Variants in PPP2R2B observed in about 807,000 individuals in gnomAD.
PPP2R2B encodes protein phosphatase 2 regulatory subunit Bbeta.
Under a neutral mutation model 46.0 loss-of-function variants are expected in PPP2R2B, and 5 were observed. The ratio of observed to expected loss-of-function variants is 0.11; its 90% CI spans 0.06 to 0.23. The LOEUF (loss-of-function observed/expected upper bound fraction) is 0.23, where lower values mean the gene tolerates loss of function less well. PPP2R2B is among the 10% of genes least tolerant of loss of function. PPP2R2B has a pLI of 1.00. For synonymous variants in PPP2R2B, 215 were observed against 206.7 expected (o/e 1.04, Z -0.34); for missense variants, 367 against 575.0 (o/e 0.64, Z 3.70).
intron 2 of PPP2R2B, among the ~76,000 whole-genome samples, chr5:147,064,045 G>C (rs966253122): frequency 2.4e-4 from 36 of 152,304 alleles, no homozygotes; most frequent in African/African-American, 7.9e-4. Flanking sequence ...CATTCAGCGA[G>C]GACCTTCCCC....
At chr5:146,856,352 C>T (rs754172794) in intron 2 of PPP2R2B, 64 of 607,084 alleles carry the variant, frequency 1.1e-4, no homozygotes, top group East Asian at 5.5e-4. Context: ...TTGTGTCCTA[C>T]GGAACAAATT....
chr5:146,954,928 T>C (rs1751815998), intron 1 of PPP2R2B, among the ~76,000 whole-genome samples: 1 of 152,024 alleles, frequency 6.6e-6, no homozygotes, highest in Non-Finnish European at 1.5e-5. Context: ...TCACTGACCA[T>C]CAGAATAAAA....
intron 2 of PPP2R2B, among the ~76,000 whole-genome samples, chr5:146,860,722 T>A (rs2151392253): frequency 6.6e-6 from 1 of 152,336 alleles, no homozygotes; most frequent in African/African-American, 2.4e-5. Context: ...ATCTTTCATG[T>A]GCAGAGGGGC....
intron 1 of PPP2R2B, among the ~76,000 whole-genome samples, chr5:146,988,154 T>C (rs1216440201): frequency 6.6e-6 from 1 of 151,910 alleles, no homozygotes; most frequent in Admixed American, 6.6e-5. Context: ...AGAAATTGAC[T>C]GCAATACAAT....
In PPP2R2B at chr5:146,808,994, T is replaced by TGTGTGTGC. The variant is rs1442659063; in HGVS notation, c.70+69007_70+69008insGCACACAC. Among the ~76,000 whole-genome samples the TGTGTGTGC allele has an allele frequency of 6.8e-3, 911 of 134,480 alleles. 12 individuals are homozygous for TGTGTGTGC. The highest frequency in any genetic ancestry group is 0.02 in the African/African-American group (760 of 37,726). 88.2% of individuals were successfully genotyped at this position (134,480 alleles called of 152,430 possible). A position where few individuals can be genotyped will look rare whatever the true frequency, so the allele number is the denominator to read the frequency against. On this transcript the variant is annotated intron_variant, in intron 2 of 9. Coordinates refer to ENST00000394411, the MANE Select transcript of PPP2R2B (RefSeq NM_181675.4). The stretch of plus-strand genomic sequence containing the variant: ...GTGTGTGTGTGTGTGTGTGTGTGTG[T>TGTGTGTGC]GCGCGCGCACCCACTTCTCCAGTGA...
rs79800174 is a variant in PPP2R2B, at chr5:146,936,245, A to T, written c.79+119420T>A. Among the ~76,000 whole-genome samples, 5 of 152,176 alleles carry T rather than the reference A, an allele frequency of 3.3e-5. No homozygotes were observed. The East Asian group carries it at 9.7e-4, about 30-fold the overall frequency. On this transcript the variant is annotated intron_variant, in intron 1 of 8. Transcript: ENST00000336640. ...TATCCTTTGTTTCAAGAAAGCAAAG[A>T]TTTCCTGCTGTAAGCAGTGGAGTCA...
chr5:146,690,421 C>T (rs1435151145), intron 5 of PPP2R2B, among the ~76,000 whole-genome samples: 2 of 152,234 alleles, frequency 1.3e-5, no homozygotes, highest in Admixed American at 6.5e-5. Flanking sequence ...CTCTCCAACA[C>T]TTTCTCAATG....
At chr5:146,601,742 G>A (rs1771803290) in intron 7 of PPP2R2B, among the ~76,000 whole-genome samples, 1 of 152,198 alleles carries the variant, frequency 6.6e-6, no homozygotes, top group South Asian at 2.1e-4. Context: ...GGGTACAAGT[G>A]TGGTTTTGTT....
At chr5:146,766,103 G>A (rs1317672542) in intron 2 of PPP2R2B, among the ~76,000 whole-genome samples, 37 of 152,270 alleles carry the variant, frequency 2.4e-4, no homozygotes, top group Non-Finnish European at 1.5e-5. Context: ...GGCATCTCTT[G>A]AAAAGCCCTC....
At chr5:146,972,707 A>G (rs572413296) in intron 1 of PPP2R2B, among the ~76,000 whole-genome samples, 3 of 152,162 alleles carry the variant, frequency 2.0e-5, no homozygotes, top group Non-Finnish European at 4.4e-5. Context: ...GTAAGACTCC[A>G]TCTCAAAAAA....
At chr5:146,618,748 C>T (rs1245095607) in intron 7 of PPP2R2B, among the ~76,000 whole-genome samples, 2 of 152,216 alleles carry the variant, frequency 1.3e-5, no homozygotes, top group African/African-American at 2.4e-5. Context: ...GCCACTCTTT[C>T]CTCCCAGCAT....
chr5:146,727,794 T>C (rs1751968416), intron 2 of PPP2R2B, among the ~76,000 whole-genome samples: 1 of 151,930 alleles, frequency 6.6e-6, no homozygotes, highest in South Asian at 2.1e-4. Flanking sequence ...AAACTTCTTC[T>C]TCTTGTGTAA....
chr5:146,661,776 CCAGA>C (rs1437551414), intron 5 of PPP2R2B, among the ~76,000 whole-genome samples: 1 of 152,110 alleles, frequency 6.6e-6, no homozygotes, highest in African/African-American at 2.4e-5. Flanking sequence ...TATTTTTTCC[CCAGA>C]CACTTACTTT....
chr5:146,818,450 T>C (rs1023993388), intron 2 of PPP2R2B, among the ~76,000 whole-genome samples: 3 of 152,176 alleles, frequency 2.0e-5, no homozygotes, highest in African/African-American at 7.2e-5. Context: ...TCCTCACTCT[T>C]ATTCCATATG....
chr5:146,943,674 A>ATT (rs201977073), intron 1 of PPP2R2B, among the ~76,000 whole-genome samples: 3 of 145,940 alleles, frequency 2.1e-5, no homozygotes, highest in African/African-American at 5.0e-5. Flanking sequence ...AGAGGCACTC[A>ATT]TTTTTTTTTT....
chr5:146,959,513 G>A (rs1373819077), intron 1 of PPP2R2B, among the ~76,000 whole-genome samples: 3 of 152,136 alleles, frequency 2.0e-5, no homozygotes, highest in Non-Finnish European at 4.4e-5. Context: ...GGCAGAGTGA[G>A]AATACAAATA....
chr5:147,049,430 C>A (rs1379048830), intron 1 of PPP2R2B, among the ~76,000 whole-genome samples: 1 of 151,854 alleles, frequency 6.6e-6, no homozygotes, highest in Non-Finnish European at 1.5e-5. Flanking sequence ...TACTATGCAT[C>A]TGATTGGAAA....
Position 146,742,714 on chromosome 5 carries a change from G to T in PPP2R2B, c.71-41572C>A, listed in dbSNP as rs1325177280. Among the ~76,000 whole-genome samples the T allele has an allele frequency of 4.6e-5, 7 of 152,240 alleles. No individual in the cohort carries two copies. In the South Asian group the frequency reaches 1.2e-3, roughly 27 times the overall value. On this transcript the variant is annotated intron_variant, in intron 2 of 9. Coordinates refer to ENST00000394411, the MANE Select transcript of PPP2R2B (RefSeq NM_181675.4). ...TGAAGTTTTAACCCCCAATATCTCG[G>T]AATGTGACTTTATTTGGAAATAAGA...
intron 7 of PPP2R2B, among the ~76,000 whole-genome samples, chr5:146,608,674 A>T (rs2151032192): frequency 6.6e-6 from 1 of 152,270 alleles, no homozygotes; most frequent in Middle Eastern, 3.4e-3. Flanking sequence ...GCATGCCTAT[A>T]GTCCCAGCTA....
Sources: gnomAD v4.1 joint callset for allele counts (sites outside exome capture counted in the v4.1 genomes callset) on GRCh38, gnomAD v4.1.1 for gene constraint, MANE v1.5 for transcripts, NCBI Gene and HGNC (gene_info 2026-07-23, HGNC 2026-07-21) for gene names.